GRIN2B: variants seen among roughly 807,000 people sequenced by gnomAD.
GRIN2B encodes the protein glutamate ionotropic receptor NMDA type subunit 2B, also known as glutamate receptor ionotropic, NMDA 2B.
A neutral mutation model predicts 114.5 loss-of-function variants in GRIN2B; 5 were observed. The ratio of observed to expected loss-of-function variants is 0.04; its 90% CI spans 0.02 to 0.09. GRIN2B has a LOEUF of 0.09. Ranked by LOEUF, GRIN2B falls within the 10% of genes least tolerant of loss-of-function variation. The pLI is 1.00. For synonymous variants in GRIN2B, 787 were observed against 745.1 expected, an observed-to-expected ratio of 1.06 and a Z score of -0.92; for missense variants, 1,108 against 1,943.5, an observed-to-expected ratio of 0.57 and a Z score of 8.08.
intron 4 of GRIN2B, among the ~76,000 whole-genome samples, chr12:13,713,774 CTG>C (rs961973143): frequency 1.1e-4 from 16 of 151,956 alleles, no homozygotes; most frequent in African/African-American, 3.9e-4. Context: ...ATTTAGAAAT[CTG>C]TGTCTACAAG....
intron 5 of GRIN2B, among the ~76,000 whole-genome samples, chr12:13,634,704 A>G (rs573241173): frequency 6.6e-6 from 1 of 152,348 alleles, no homozygotes; most frequent in African/African-American, 2.4e-5. Context: ...CATTTTGTTA[A>G]GTACCCAACA....
intron 2 of GRIN2B, among the ~76,000 whole-genome samples, chr12:13,956,878 C>A (rs1186738097): frequency 2.0e-5 from 3 of 152,188 alleles, no homozygotes; most frequent in African/African-American, 7.2e-5. Flanking sequence ...TCTAGTCCTG[C>A]AATTAAAGAC....
At chr12:13,575,645 C>T (rs1039264478) in intron 10 of GRIN2B, among the ~76,000 whole-genome samples, 1 of 148,142 alleles carries the variant, frequency 6.8e-6, no homozygotes, top group Non-Finnish European at 1.5e-5. Context: ...GGTGACAGAG[C>T]AAGACCCTGT....
chr12:13,755,072 T>C (rs1009451717), intron 3 of GRIN2B, among the ~76,000 whole-genome samples: 2 of 152,206 alleles, frequency 1.3e-5, no homozygotes, highest in African/African-American at 4.8e-5. Flanking sequence ...TTCTATCCCA[T>C]TGGCTCATCT....
rs1948484999 is a variant in GRIN2B, at chr12:13,556,939, CT to C, written c.*5843del. On this transcript the variant is annotated 3_prime_UTR_variant, in exon 14 of 14. Coordinates refer to ENST00000609686, the MANE Select transcript of GRIN2B (RefSeq NM_000834.5). ...CTAACCCATTACTCTGAACAAAATT[CT>C]TTTTTCTTGCTTCAATATTGTAAAT... 1 of 152,170 alleles carries C rather than the reference CT, an allele frequency of 6.6e-6. No individual in the cohort carries two copies. Among genetic ancestry groups the C allele is most frequent in the South Asian group, 2.1e-4 (1 of 4,826 alleles). 9.4% of individuals were successfully genotyped at this position (152,170 alleles called of 1,614,324 possible). A position where few individuals can be genotyped will look rare whatever the true frequency, so the allele number is the denominator to read the frequency against.
intron 4 of GRIN2B, among the ~76,000 whole-genome samples, chr12:13,745,676 G>C (rs998256892): frequency 6.6e-6 from 1 of 152,194 alleles, no homozygotes; most frequent in East Asian, 1.9e-4. Context: ...GAAAGGGTTG[G>C]ATTAGATGAG....
intron 2 of GRIN2B, among the ~76,000 whole-genome samples, chr12:13,961,361 G>A (rs574185909): frequency 4.9e-4 from 75 of 152,224 alleles, no homozygotes; most frequent in African/African-American, 1.7e-3. Flanking sequence ...TATGGGAGGG[G>A]TGAGAGAGAT....
chr12:13,716,760 T>G (rs964114497), intron 4 of GRIN2B, among the ~76,000 whole-genome samples: 1 of 152,090 alleles, frequency 6.6e-6, no homozygotes, highest in East Asian at 1.9e-4. Context: ...CATTTCGCAC[T>G]GCCAAATGTT....
intron 4 of GRIN2B, among the ~76,000 whole-genome samples, chr12:13,701,309 C>A (rs547550464): frequency 6.6e-6 from 1 of 152,212 alleles, no homozygotes; most frequent in South Asian, 2.1e-4. Flanking sequence ...TGCCTTGATT[C>A]TGACCAACTC....
intron 10 of GRIN2B, among the ~76,000 whole-genome samples, chr12:13,579,040 T>G (rs901661203): frequency 1.3e-5 from 2 of 152,048 alleles, no homozygotes; most frequent in African/African-American, 4.8e-5. Flanking sequence ...AAGGGGGCTG[T>G]CTCGATGGTG....
chr12:13,825,117 T>C, intron 3 of GRIN2B, among the ~76,000 whole-genome samples: 1 of 152,034 alleles, frequency 6.6e-6, no homozygotes, highest in Admixed American at 6.6e-5. Flanking sequence ...TTTTACTATG[T>C]TGTTGTTTTA....
chr12:13,711,432 T>C (rs948938480), intron 4 of GRIN2B, among the ~76,000 whole-genome samples: 4 of 151,820 alleles, frequency 2.6e-5, no homozygotes, highest in Non-Finnish European at 5.9e-5. Flanking sequence ...ACCATCAGAG[T>C]GAACAGGCAA....
chr12:13,833,198 T>C (rs1865185148), intron 3 of GRIN2B, among the ~76,000 whole-genome samples: 1 of 152,232 alleles, frequency 6.6e-6, no homozygotes, highest in Admixed American at 6.5e-5. Context: ...TAGACTTGTA[T>C]TAACTCATGG....
chr12:13,693,532 C>A (rs1950232375), intron 4 of GRIN2B, among the ~76,000 whole-genome samples: 2 of 152,118 alleles, frequency 1.3e-5, no homozygotes, highest in African/African-American at 4.8e-5. Context: ...TGATAACATG[C>A]AACCCAGGGC....
chr12:13,764,962 A>G (rs771700932), intron 3 of GRIN2B, among the ~76,000 whole-genome samples: 10 of 152,212 alleles, frequency 6.6e-5, no homozygotes, highest in African/African-American at 2.4e-4. Flanking sequence ...CTATAAATGA[A>G]TCATCCCAGA....
chr12:13,595,041 T>G (rs1250396539), intron 10 of GRIN2B, among the ~76,000 whole-genome samples: 1 of 152,136 alleles, frequency 6.6e-6, no homozygotes, highest in African/African-American at 2.4e-5. Flanking sequence ...TTTGATTACC[T>G]GGGTTTGAGA....
intron 2 of GRIN2B, among the ~76,000 whole-genome samples, chr12:13,962,890 C>T (rs1005594922): frequency 1.1e-4 from 16 of 152,244 alleles, no homozygotes; most frequent in Non-Finnish European, 1.9e-4. Context: ...GTGATAGGCA[C>T]TGTCCCTCCC....
At chr12:13,721,549 A>T (rs1445783328) in intron 4 of GRIN2B, among the ~76,000 whole-genome samples, 1 of 152,052 alleles carries the variant, frequency 6.6e-6, no homozygotes, top group Non-Finnish European at 1.5e-5. Context: ...TGGTGACCTT[A>T]GTTCACCATT....
intron 10 of GRIN2B, among the ~76,000 whole-genome samples, chr12:13,601,860 G>C (rs1229482017): frequency 6.6e-6 from 1 of 152,192 alleles, no homozygotes; most frequent in East Asian, 1.9e-4. Flanking sequence ...TGAAGTTAAG[G>C]ATCTCTTGTC....
Sources: gnomAD v4.1 joint callset for allele counts (sites outside exome capture counted in the v4.1 genomes callset) on GRCh38, gnomAD v4.1.1 for gene constraint, MANE v1.5 for transcripts, NCBI Gene and HGNC (gene_info 2026-07-23, HGNC 2026-07-21) for gene names.